The following NOL4 variants were observed in gnomAD, a reference collection of about 807,000 sequenced individuals.
The protein encoded by NOL4 is cancer/testis antigen 125.
A neutral mutation model predicts 75.9 loss-of-function variants in NOL4; 17 were observed. That is an observed-to-expected ratio of 0.22 (90% CI 0.15 to 0.34). NOL4 has a LOEUF of 0.34. Among genes scored for constraint, NOL4 ranks in the 10% least tolerant of loss-of-function variants. The pLI, the probability that NOL4 is intolerant of heterozygous loss-of-function variation, is 1.00. For missense variants in NOL4, 614 were observed against 793.5 expected, an observed-to-expected ratio of 0.77 and a Z score of 2.72; for synonymous variants, 292 against 289.9, an observed-to-expected ratio of 1.01 and a Z score of -0.07.
chr18:33,964,064 A>G (rs2070372988), intron 6 of NOL4, among the ~76,000 whole-genome samples: 2 of 152,194 alleles, frequency 1.3e-5, no homozygotes, highest in African/African-American at 4.8e-5. Context: ...ATGTCACAGC[A>G]GTGATCGTAA....
chr18:34,213,404 C>A (rs1297903826), intron 1 of NOL4, among the ~76,000 whole-genome samples: 1 of 152,158 alleles, frequency 6.6e-6, no homozygotes, highest in African/African-American at 2.4e-5. Context: ...ATTCTCCTAC[C>A]CCAGCTTCCT....
At chr18:33,999,349 C>T (rs551033248) in intron 6 of NOL4, among the ~76,000 whole-genome samples, 18 of 151,702 alleles carry the variant, frequency 1.2e-4, no homozygotes, top group African/African-American at 3.6e-4. Context: ...TTTATAATAT[C>T]TATATACTCA....
At chr18:34,092,648 G>T (rs1255618407) in intron 5 of NOL4, among the ~76,000 whole-genome samples, 3 of 152,096 alleles carry the variant, frequency 2.0e-5, no homozygotes, top group Admixed American at 6.5e-5. Flanking sequence ...AAGTTCATAT[G>T]AACTTGTTAA....
At chr18:34,064,699 A>G (rs1438253871) in intron 5 of NOL4, among the ~76,000 whole-genome samples, 1 of 151,972 alleles carries the variant, frequency 6.6e-6, no homozygotes, top group African/African-American at 2.4e-5. Context: ...TCTATGACAC[A>G]TAATTCAGTT....
intron 9 of NOL4, among the ~76,000 whole-genome samples, chr18:33,931,356 T>C (rs535251622): frequency 6.6e-6 from 1 of 152,228 alleles, no homozygotes; most frequent in East Asian, 1.9e-4. Context: ...GGTGGGGTGA[T>C]GGGGAAAAGT....
At chr18:34,023,151 G>A (rs538170360) in intron 5 of NOL4, among the ~76,000 whole-genome samples, 27 of 151,940 alleles carry the variant, frequency 1.8e-4, no homozygotes, top group African/African-American at 6.3e-4. Context: ...CAATTTAAAT[G>A]GTAAAAAACA....
intron 5 of NOL4, among the ~76,000 whole-genome samples, chr18:34,024,377 C>T (rs909287725): frequency 6.6e-6 from 1 of 151,032 alleles, no homozygotes; most frequent in Non-Finnish European, 1.5e-5. Context: ...TCATATCTTA[C>T]CGTAAAACTA....
intron 9 of NOL4, among the ~76,000 whole-genome samples, chr18:33,915,728 G>C (rs2066680457): frequency 6.6e-6 from 1 of 152,174 alleles, no homozygotes; most frequent in South Asian, 2.1e-4. Context: ...TATAGCAAAA[G>C]GGTGAATATT....
chr18:34,050,504 T>C (rs1224854404), intron 5 of NOL4, among the ~76,000 whole-genome samples: 1 of 152,110 alleles, frequency 6.6e-6, no homozygotes, highest in Non-Finnish European at 1.5e-5. Flanking sequence ...ATATATTGTC[T>C]AGCTTCCCCA....
At position 34,083,851 on chromosome 18, in the gene NOL4, A is replaced by C. The variant is rs534226638; in HGVS notation, c.772+9614T>G. ...CAAAGTAAGATATAAAAAAGACAGA[A>C]TATTCATCCATGGACGTTGTTGTTG... On this transcript the variant is annotated intron_variant, in intron 5 of 10. Coordinates refer to ENST00000261592, the MANE Select transcript of NOL4 (RefSeq NM_003787.5). 5.3e-5 allele frequency among the ~76,000 whole-genome samples: 8 copies of C among 152,284 alleles called. No homozygotes were observed. In the South Asian group the frequency reaches 1.7e-3, roughly 32 times the overall value.
intron 2 of NOL4, among the ~76,000 whole-genome samples, chr18:34,123,341 A>G (rs1227384931): frequency 6.6e-6 from 1 of 151,484 alleles, no homozygotes; most frequent in East Asian, 1.9e-4. Context: ...GAGATGTTGT[A>G]CACATCTGAC....
chr18:33,934,246 T>G (rs749041024), intron 9 of NOL4, among the ~76,000 whole-genome samples: 1 of 152,082 alleles, frequency 6.6e-6, no homozygotes, highest in African/African-American at 2.4e-5. Flanking sequence ...CAGGCCTTGT[T>G]GTTTCATTTA....
At chr18:33,884,141 A>C (rs192283709) in intron 9 of NOL4, among the ~76,000 whole-genome samples, 2 of 152,266 alleles carry the variant, frequency 1.3e-5, no homozygotes, top group Admixed American at 1.3e-4. Context: ...GGCTTTAAAA[A>C]TTAAATGAAG....
At chr18:34,047,909 A>G (rs2076455732) in intron 5 of NOL4, among the ~76,000 whole-genome samples, 1 of 152,282 alleles carries the variant, frequency 6.6e-6, no homozygotes, top group South Asian at 2.1e-4. Flanking sequence ...CAGAATAGCT[A>G]TATTAATTGC....
intron 6 of NOL4, among the ~76,000 whole-genome samples, chr18:33,970,113 GGAACACACTTT>G (rs1204938298): frequency 1.3e-5 from 2 of 152,116 alleles, no homozygotes; most frequent in Non-Finnish European, 2.9e-5. Context: ...GAAAGTCTGA[GGAACACACTTT>G]GAGTTCTTAG....
chr18:33,949,403 G>A (rs1007210513), intron 8 of NOL4, among the ~76,000 whole-genome samples: 1 of 151,934 alleles, frequency 6.6e-6, no homozygotes, highest in African/African-American at 2.4e-5. Context: ...ATCCAAATAG[G>A]GCCAAGCAAA....
chr18:34,202,218 C>A (rs1488449832), intron 1 of NOL4, among the ~76,000 whole-genome samples: 2 of 151,770 alleles, frequency 1.3e-5, no homozygotes, highest in Non-Finnish European at 2.9e-5. Flanking sequence ...AGATACCATG[C>A]AGGGTTCTAA....
intron 6 of NOL4, among the ~76,000 whole-genome samples, chr18:33,982,721 G>A (rs1010403386): frequency 2.0e-5 from 3 of 147,836 alleles, no homozygotes; most frequent in African/African-American, 7.5e-5. Context: ...TAAATAAACT[G>A]TGGTATATCC....
intron 9 of NOL4, among the ~76,000 whole-genome samples, chr18:33,904,863 G>C (rs1338727863): frequency 1.3e-5 from 2 of 152,100 alleles, no homozygotes; most frequent in African/African-American, 4.8e-5. Flanking sequence ...AGACTATGAT[G>C]GTTACATGAA....
Sources: gnomAD v4.1 joint callset for allele counts (sites outside exome capture counted in the v4.1 genomes callset) on GRCh38, gnomAD v4.1.1 for gene constraint, MANE v1.5 for transcripts, NCBI Gene and HGNC (gene_info 2026-07-23, HGNC 2026-07-21) for gene names.